Variants in SCARA5 observed in about 807,000 individuals in gnomAD.
The protein encoded by SCARA5 is scavenger receptor class A member 5, also known as scavenger receptor class A, member 5 (putative).
Under a neutral mutation model 46.3 loss-of-function variants are expected in SCARA5, and 45 were observed. The ratio of observed to expected loss-of-function variants is 0.97; its 90% confidence interval spans 0.76 to 1.24. SCARA5 has a LOEUF of 1.24. Ranked by LOEUF, SCARA5 falls within the 50% of genes most tolerant of loss-of-function variation. The pLI is 0.00. For synonymous variants in SCARA5, 333 were observed against 306.5 expected (o/e 1.09, Z -0.90); for missense variants, 680 against 689.0 (o/e 0.99, Z 0.15).
At chr8:27,969,663 AATG>A (rs1364244399) in intron 2 of SCARA5, among the ~76,000 whole-genome samples, 27 of 152,286 alleles carry the variant, frequency 1.8e-4, no homozygotes, top group African/African-American at 6.5e-4. Flanking sequence ...TCTGGGAGAT[AATG>A]ATGTGTCAAC....
At chr8:27,953,043 G>C (rs950239920) in intron 3 of SCARA5, among the ~76,000 whole-genome samples, 1 of 152,202 alleles carries the variant, frequency 6.6e-6, no homozygotes, top group East Asian at 1.9e-4. Context: ...AGCCAGAGAG[G>C]CCTGCCCTGC....
chr8:27,871,961 A>T lies in SCARA5; in HGVS notation c.1461T>A (p.Asp487Glu). ...WGVTNCGHAE[D>E]ASVTCNRH ...AGTGTCTGTTGCATGTCACGCTGGC[A>T]TCTTCGGCATGTCCACAGTTTGTCA... The change falls in exon 9 of 9, where the codon GAT (aspartate) becomes GAA (glutamate). Residue 487 changes from aspartate to glutamate, a missense_variant. Asp to Glu is a conservative substitution (Grantham distance 45). Around this residue, in one of 3 missense-constraint regions of SCARA5, gnomAD observed 219 missense variants for 269.5 expected, o/e 0.81. Transcript: ENST00000354914. The T allele has an allele frequency of 6.2e-7, 1 of 1,614,248 alleles. No individual in the cohort carries two copies. The highest frequency in any genetic ancestry group is 8.5e-7 in the Non-Finnish European group (1 of 1,180,054).
At chr8:27,991,893 A>G (rs975816189) in intron 1 of SCARA5, among the ~76,000 whole-genome samples, 7 of 151,902 alleles carry the variant, frequency 4.6e-5, no homozygotes, top group African/African-American at 1.7e-4. Context: ...ACACACATGC[A>G]CACACACACA....
At chr8:27,957,652 A>G (rs2129916786) in intron 3 of SCARA5, among the ~76,000 whole-genome samples, 1 of 152,358 alleles carries the variant, frequency 6.6e-6, no homozygotes, top group South Asian at 2.1e-4. Flanking sequence ...TCCCAGCTGC[A>G]GTCCAGGCAC....
rs183622489 is a variant in SCARA5 at position 27,941,679 on chromosome 8, G to A, written c.242-19434C>T. Among the ~76,000 whole-genome samples, 215 of 151,778 alleles carry A rather than the reference G, an allele frequency of 1.4e-3. 1 individual carries two copies. The highest frequency in any genetic ancestry group is 4.2e-3 in the African/African-American group (173 of 41,360). ...CCTACACTCATTCTCAGATTTGTAG[G>A]CATTAATATTTATAGAGGAACTCCA... On this transcript the variant is annotated intron_variant, in intron 3 of 8. Transcript: ENST00000354914.
intron 2 of SCARA5, among the ~76,000 whole-genome samples, chr8:27,976,676 CAG>C (rs1185600453): frequency 1.3e-5 from 2 of 152,118 alleles, no homozygotes; most frequent in Non-Finnish European, 1.5e-5. Context: ...GCTTGGGAGA[CAG>C]AAATGCTGAG....
At chr8:27,912,579 T>TAAGGCC (rs1334284481) in intron 4 of SCARA5, among the ~76,000 whole-genome samples, 2 of 152,178 alleles carry the variant, frequency 1.3e-5, no homozygotes, top group East Asian at 1.9e-4. Flanking sequence ...GATCTCCCCT[T>TAAGGCC]AAGGCCAAGG....
At chr8:27,973,955 C>T (rs1808484050) in intron 2 of SCARA5, among the ~76,000 whole-genome samples, 1 of 152,082 alleles carries the variant, frequency 6.6e-6, no homozygotes, top group Admixed American at 6.6e-5. Flanking sequence ...AAGAATACCC[C>T]AAAGAGTTTT....
intron 1 of SCARA5, among the ~76,000 whole-genome samples, chr8:27,991,863 ACACACACACACATGCACACACACACATG>A (rs576443214): frequency 1.4e-5 from 2 of 145,938 alleles, no homozygotes; most frequent in South Asian, 4.2e-4. Flanking sequence ...ACACACATGC[ACACACACACACATGCACACACACACATG>A]CACACACACA....
intron 2 of SCARA5, among the ~76,000 whole-genome samples, chr8:27,979,009 C>T (rs1211031871): frequency 6.6e-6 from 1 of 152,192 alleles, no homozygotes; most frequent in African/African-American, 2.4e-5. Flanking sequence ...CACACTTGCA[C>T]AGGGAAACTC....
intron 3 of SCARA5, among the ~76,000 whole-genome samples, chr8:27,953,217 G>C (rs1199294694): frequency 6.6e-6 from 1 of 152,214 alleles, no homozygotes; most frequent in Non-Finnish European, 1.5e-5. Context: ...ATCAGGAAAA[G>C]GTGGCCTCTC....
intron 2 of SCARA5, among the ~76,000 whole-genome samples, chr8:27,984,071 C>T (rs1808663910): frequency 6.6e-6 from 1 of 152,284 alleles, no homozygotes; most frequent in Admixed American, 6.5e-5. Flanking sequence ...GCTCTCCCTT[C>T]CTTTCCCATC....
chr8:27,912,773 AG>A (rs1415095852), intron 4 of SCARA5, among the ~76,000 whole-genome samples: 3 of 152,206 alleles, frequency 2.0e-5, no homozygotes, highest in Non-Finnish European at 4.4e-5. Context: ...TGCAACCTGC[AG>A]GGGGGTCTTC....
intron 7 of SCARA5, among the ~76,000 whole-genome samples, chr8:27,900,300 T>C (rs56409411): frequency 0.19 from 29,331 of 151,718 alleles, 2,916 homozygotes; most frequent in Middle Eastern, 0.29. Flanking sequence ...GAGAAGGGAG[T>C]CCGAGGACTC....
intron 7 of SCARA5, among the ~76,000 whole-genome samples, chr8:27,900,185 C>T (rs867739647): frequency 3.9e-5 from 6 of 151,958 alleles, no homozygotes; most frequent in East Asian, 1.9e-4. Flanking sequence ...AAGGTGCAGT[C>T]GCTGTGTCTC....
At chr8:27,919,565 C>T (rs1464443056) in intron 4 of SCARA5, among the ~76,000 whole-genome samples, 1 of 152,108 alleles carries the variant, frequency 6.6e-6, no homozygotes, top group Non-Finnish European at 1.5e-5. Context: ...TAACACTCCC[C>T]TGACATTGCA....
intron 7 of SCARA5, among the ~76,000 whole-genome samples, chr8:27,892,793 A>G (rs549522550): frequency 6.6e-6 from 1 of 152,060 alleles, no homozygotes; most frequent in East Asian, 1.9e-4. Flanking sequence ...TTTTTAGTAG[A>G]GATGGGGTTT....
intron 2 of SCARA5, among the ~76,000 whole-genome samples, chr8:27,977,062 A>G (rs1585524097): frequency 6.6e-6 from 1 of 152,308 alleles, no homozygotes; most frequent in Middle Eastern, 3.4e-3. Context: ...AGACCAAGGC[A>G]CCGGCAGATC....
At chr8:27,982,424 C>A (rs987863631) in intron 2 of SCARA5, among the ~76,000 whole-genome samples, 1 of 152,066 alleles carries the variant, frequency 6.6e-6, no homozygotes, top group African/African-American at 2.4e-5. Context: ...TCACCGGTGC[C>A]TGGGGTTCTG....
Sources: allele counts gnomAD v4.1 joint callset (sites outside exome capture counted in the v4.1 genomes callset), GRCh38; gene constraint gnomAD v4.1.1; regional missense constraint gnomAD v4.1.1; transcripts MANE v1.5; gene names NCBI Gene and HGNC (gene_info 2026-07-23, HGNC 2026-07-21).